RELN: variants seen among roughly 807,000 people sequenced by gnomAD.
The protein encoded by RELN is reelin.
RELN carries 108 observed loss-of-function variants against 427.6 expected under a neutral mutation model. The ratio of observed to expected loss-of-function variants is 0.25; its 90% CI spans 0.22 to 0.30. The LOEUF is 0.30. Among genes scored for constraint, RELN ranks in the 10% least tolerant of loss-of-function variants. RELN has a pLI of 1.00. For synonymous variants in RELN, 1,524 were observed against 1,513.4 expected (o/e 1.01, Z -0.16); for missense variants, 3,715 against 4,302.8 (o/e 0.86, Z 3.82).
At chr7:103,722,954 T>C (rs1205296054) in intron 8 of RELN, among the ~76,000 whole-genome samples, 186 bp downstream of exon 8, 6 of 152,182 alleles carry the variant, frequency 3.9e-5, no homozygotes, top group Non-Finnish European at 8.8e-5. Flanking sequence ...TGGAGAGAAG[T>C]GAGAACAGAA....
At chr7:103,502,959 C>G in intron 52 of RELN, 57 bp downstream of exon 52, 1 of 1,398,214 alleles carries the variant, frequency 7.2e-7, no homozygotes. Context: ...AACAGTGTAC[C>G]TAATGGTGTA....
intron 2 of RELN, among the ~76,000 whole-genome samples, chr7:103,840,741 G>T (rs1177794766): frequency 6.6e-6 from 1 of 152,080 alleles, no homozygotes; most frequent in Admixed American, 6.5e-5. Context: ...ATTAATATAT[G>T]TAAGTTGGAA....
chr7:103,489,373 G>A (rs1056747372), intron 60 of RELN, among the ~76,000 whole-genome samples: 4 of 152,122 alleles, frequency 2.6e-5, no homozygotes, highest in Admixed American at 1.3e-4. Context: ...CCAGGAAGGA[G>A]GGAGGCCCAG....
At position 103,968,705 on chromosome 7, in the gene RELN, A is replaced by G. The variant is rs1584408844; in HGVS notation, c.226+20426T>C. On this transcript the variant is annotated intron_variant, in intron 1 of 64. Coordinates refer to ENST00000428762, the MANE Select transcript of RELN (RefSeq NM_005045.4). The surrounding 1 kb of genome is among the most constrained non-coding windows in gnomAD (Gnocchi z 4.3). ...GGCATTAGATTATTAAGAACCAGTT[A>G]GAAAAGGTGAAAATAGAACCCATGA... Among the ~76,000 whole-genome samples, 1 of 152,198 alleles carries G rather than the reference A, an allele frequency of 6.6e-6. No individual in the cohort carries two copies. Among genetic ancestry groups the G allele is most frequent in the South Asian group, 2.1e-4 (1 of 4,836 alleles).
intron 11 of RELN, among the ~76,000 whole-genome samples, chr7:103,676,779 T>C (rs767197467): frequency 6.6e-6 from 1 of 151,018 alleles, no homozygotes; most frequent in Non-Finnish European, 1.5e-5. Flanking sequence ...CTCAGCAAAA[T>C]ATCGCAAGGA....
intron 58 of RELN, 81 bp downstream of exon 58, chr7:103,491,850 TCTCTCTCACACACACACACACA>T (rs1352385136): frequency 2.4e-4 from 122 of 510,460 alleles, no homozygotes; most frequent in African/African-American, 1.2e-3. Flanking sequence ...TCTCTCTCTC[TCTCTCTCACACACACACACACA>T]CACACACACA....
chr7:103,561,975 A>C (rs1830654455), intron 34 of RELN, 22 bp from the exon 35 acceptor site: 1 of 1,603,356 alleles, frequency 6.2e-7, no homozygotes, highest in South Asian at 1.1e-5. Flanking sequence ...AAAAAAAAAA[A>C]AAACACACCA....
At chr7:103,829,308 C>A (rs926105285) in intron 3 of RELN, among the ~76,000 whole-genome samples, 8 of 151,594 alleles carry the variant, frequency 5.3e-5, no homozygotes, top group Non-Finnish European at 7.4e-5. Context: ...TTCCCTCTTT[C>A]CCTCCTTCCT....
In RELN at chr7:103,640,550, C is replaced by A. The variant is rs1832675796; in HGVS notation, c.2062G>T (p.Gly688Cys). ...CSGRGQCTRH[G>C]CKCDPGFSGP... ...TTATTTTAAGATGCTTACTTGCAAC[C>A]ATGTCTAGTGCACTGTCCTCTGCCA... Residue 688 changes from glycine to cysteine, a missense_variant, in exon 17 of 65, where the codon GGT (glycine) becomes TGT (cysteine). Transcript: ENST00000428762. The surrounding 1 kb of genome is among the most constrained non-coding windows in gnomAD (Gnocchi z 4.1). 1 of 1,613,734 alleles carries A rather than the reference C, an allele frequency of 6.2e-7. No individual in the cohort carries two copies. The highest frequency in any genetic ancestry group is 8.5e-7 in the Non-Finnish European group (1 of 1,179,830).
chr7:103,890,447 A>G (rs1794822174), intron 2 of RELN, among the ~76,000 whole-genome samples: 1 of 152,182 alleles, frequency 6.6e-6, no homozygotes, highest in South Asian at 2.1e-4. Context: ...CAGAAGCATT[A>G]GATTCTCACA....
At chr7:103,863,236 G>A (rs1794113351) in intron 2 of RELN, among the ~76,000 whole-genome samples, 2 of 152,228 alleles carry the variant, frequency 1.3e-5, no homozygotes, top group South Asian at 4.1e-4. Flanking sequence ...ACGCATAAAA[G>A]CAAGAGGAAT....
rs141481825 is a variant in RELN at position 103,784,789 on chromosome 7, T to C, written c.474-8162A>G. Among the ~76,000 whole-genome samples, 208 of 152,266 alleles carry C rather than the reference T, an allele frequency of 1.4e-3. 1 individual carries two copies. Among genetic ancestry groups the C allele is most frequent in the African/African-American group, 4.8e-3 (200 of 41,542 alleles). On this transcript the variant is annotated intron_variant, in intron 3 of 64. Transcript: ENST00000428762. Reference sequence around the variant, plus strand: ...CAGAAAACATTCTTTTTGGATTATGTCTTCTTTGTTATGTTATGTGTACCC... The same window carrying C: ...CAGAAAACATTCTTTTTGGATTATGCCTTCTTTGTTATGTTATGTGTACCC...
chr7:103,941,847 C>T (rs888368476), intron 1 of RELN, among the ~76,000 whole-genome samples: 3 of 152,006 alleles, frequency 2.0e-5, no homozygotes, highest in Non-Finnish European at 4.4e-5. Flanking sequence ...ATCCGCAGAA[C>T]ACTAGACCAC....
intron 6 of RELN, among the ~76,000 whole-genome samples, chr7:103,742,881 G>A (rs1264921226): frequency 6.6e-6 from 1 of 152,082 alleles, no homozygotes; most frequent in Non-Finnish European, 1.5e-5. Context: ...AGCAAGGCAG[G>A]CCAACATTCA....
chr7:103,853,439 A>G (rs184981266), intron 2 of RELN, among the ~76,000 whole-genome samples: 3 of 152,122 alleles, frequency 2.0e-5, no homozygotes, highest in East Asian at 3.9e-4. Context: ...CTGAATGAGT[A>G]TATTTCTACC....
intron 60 of RELN, among the ~76,000 whole-genome samples, chr7:103,487,222 A>C (rs1041920908): frequency 6.6e-6 from 1 of 152,116 alleles, no homozygotes; most frequent in East Asian, 1.9e-4. Context: ...ACAGATGGAC[A>C]CAGGCAGGGG....
intron 2 of RELN, among the ~76,000 whole-genome samples, chr7:103,840,248 G>A (rs1454470642): frequency 6.6e-6 from 1 of 152,238 alleles, no homozygotes; most frequent in Non-Finnish European, 1.5e-5. Flanking sequence ...AGTGTACGAA[G>A]TAGCCTGGAT....
intron 3 of RELN, among the ~76,000 whole-genome samples, chr7:103,817,937 C>CAAAAAAAAAAAAAAAAAA (rs71154371): frequency 5.6e-5 from 2 of 36,020 alleles, no homozygotes; most frequent in Admixed American, 4.3e-4. Flanking sequence ...GACTCCATCT[C>CAAAAAAAAAAAAAAAAAA]AAAAAAAAAA....
chr7:103,800,351 CAGAG>C (rs1485691894), intron 3 of RELN, among the ~76,000 whole-genome samples: 3 of 152,158 alleles, frequency 2.0e-5, no homozygotes, highest in African/African-American at 4.8e-5. Flanking sequence ...AACAGACAAA[CAGAG>C]AGCCAAATCA....
Sources: gnomAD v4.1 joint callset for allele counts (sites outside exome capture counted in the v4.1 genomes callset) on GRCh38, gnomAD v4.1.1 for gene constraint, Gnocchi (gnomAD v3.1) non-coding constraint, MANE v1.5 for transcripts, NCBI Gene and HGNC (gene_info 2026-07-23, HGNC 2026-07-21) for gene names.